The following RNF11 variants were observed in gnomAD, a reference collection of about 807,000 sequenced individuals.
RNF11 encodes ring finger protein 11.
Under a neutral mutation model 15.8 loss-of-function variants are expected in RNF11, and 4 were observed. The ratio of observed to expected loss-of-function variants is 0.25; its 90% CI spans 0.12 to 0.58. The LOEUF is 0.58. Ranked by LOEUF, RNF11 falls within the 20% of genes least tolerant of loss-of-function variation. The pLI, the probability that RNF11 is intolerant of heterozygous loss-of-function variation, is 0.91. For synonymous variants in RNF11, 68 were observed against 72.3 expected (o/e 0.94, Z 0.30); for missense variants, 139 against 194.4 (o/e 0.71, Z 1.70).
intron 1 of RNF11, among the ~76,000 whole-genome samples, chr1:51,267,797 C>A (rs1557683095): frequency 6.6e-6 from 1 of 152,210 alleles, no homozygotes; most frequent in South Asian, 2.1e-4. Context: ...GTGGCAAGAT[C>A]TTGGCTCACT....
intron 1 of RNF11, chr1:51,251,375 G>A: frequency 1.4e-6 from 2 of 1,457,298 alleles, no homozygotes; most frequent in Non-Finnish European, 9.3e-7. Flanking sequence ...TGCGACCCCG[G>A]CCCCGGATGC....
At chr1:51,249,613 A>C (rs1405301803) in intron 1 of RNF11, among the ~76,000 whole-genome samples, 2 of 151,874 alleles carry the variant, frequency 1.3e-5, no homozygotes, top group African/African-American at 2.4e-5. Context: ...TCTTTGTGAA[A>C]TTTGTGTTCT....
Position 51,259,040 on chromosome 1 carries a change from A to G in RNF11, c.124-10916A>G, listed in dbSNP as rs185061731. On this transcript the variant is annotated intron_variant, in intron 1 of 2. Coordinates refer to ENST00000242719, the MANE Select transcript of RNF11 (RefSeq NM_014372.5). ...TTATGGCTTTCTTGTAACACCAGAA[A>G]CTATCCAGCCTTGTTTTGTCCTGTT... Among the ~76,000 whole-genome samples, 779 of 152,316 alleles carry G rather than the reference A, an allele frequency of 5.1e-3. 13 individuals carry two copies. Among genetic ancestry groups the G allele is most frequent in the Non-Finnish European group, 5.8e-3 (392 of 68,022 alleles).
At chr1:51,259,678 A>AT (rs1447553072) in intron 1 of RNF11, among the ~76,000 whole-genome samples, 1 of 152,214 alleles carries the variant, frequency 6.6e-6, no homozygotes, top group Non-Finnish European at 1.5e-5. Flanking sequence ...AGCAATGATT[A>AT]TACCACCACT....
At chr1:51,250,575 T>A in intron 1 of RNF11, 1 of 619,298 alleles carries the variant, frequency 1.6e-6, no homozygotes, top group Non-Finnish European at 2.8e-6. Context: ...CTTAATTCGC[T>A]TTATTTTCCT....
chr1:51,266,864 T>A (rs1646957066), intron 1 of RNF11, among the ~76,000 whole-genome samples: 1 of 152,256 alleles, frequency 6.6e-6, no homozygotes, highest in Non-Finnish European at 1.5e-5. Flanking sequence ...GTTATATAAT[T>A]ATGTTGAGTC....
At chr1:51,243,889 C>T (rs991351026) in intron 1 of RNF11, among the ~76,000 whole-genome samples, 1 of 152,204 alleles carries the variant, frequency 6.6e-6, no homozygotes, top group Non-Finnish European at 1.5e-5. Context: ...GAGCAGTTTG[C>T]TGTATTCCAT....
intron 1 of RNF11, among the ~76,000 whole-genome samples, chr1:51,264,504 T>C (rs1254357379): frequency 6.6e-6 from 1 of 151,874 alleles, no homozygotes; most frequent in Non-Finnish European, 1.5e-5. Flanking sequence ...CTCCATTTTA[T>C]GGTCTTAAAT....
In RNF11 at chr1:51,251,138, C is replaced by T. The variant is rs768177622; in HGVS notation, c.123+14259C>T. The T allele has an allele frequency of 1.6e-4, 241 of 1,548,480 alleles. 1 individual carries two copies. Among genetic ancestry groups the T allele is most frequent in the Middle Eastern group, 3.6e-4 (2 of 5,480 alleles). On this transcript the variant is annotated intron_variant, in intron 1 of 2. Transcript: ENST00000242719. ...TGGTGCGCTGGCCAGCACGGGTCTG[C>T]GTCTGCACTGGCATAATCTTCAAAA...
intron 1 of RNF11, chr1:51,251,413 C>T (rs1456163932): frequency 1.1e-5 from 14 of 1,279,584 alleles, no homozygotes; most frequent in African/African-American, 7.4e-5. Flanking sequence ...CGGAAGCCAC[C>T]GCAGTTCCCC....
At chr1:51,254,781 A>G (rs773480031) in intron 1 of RNF11, among the ~76,000 whole-genome samples, 2 of 152,074 alleles carry the variant, frequency 1.3e-5, no homozygotes, top group Non-Finnish European at 2.9e-5. Context: ...GTATTTTTGT[A>G]AAGGCAGAGT....
intron 1 of RNF11, among the ~76,000 whole-genome samples, chr1:51,261,702 T>C (rs534861982): frequency 3.4e-5 from 5 of 147,642 alleles, no homozygotes; most frequent in East Asian, 4.0e-4. Context: ...TTTTTTTTTT[T>C]CTTGAGACGG....
intron 1 of RNF11, among the ~76,000 whole-genome samples, chr1:51,261,672 CCTGT>C (rs1328176400): frequency 6.7e-6 from 1 of 149,838 alleles, no homozygotes; most frequent in African/African-American, 2.5e-5. Flanking sequence ...CCCACCACGC[CCTGT>C]CTGTGATAAG....
chr1:51,257,849 TTTTC>T (rs960995267), intron 1 of RNF11, among the ~76,000 whole-genome samples: 10 of 101,724 alleles, frequency 9.8e-5, no homozygotes, highest in African/African-American at 1.5e-4. Flanking sequence ...TTTTCTTTTC[TTTTC>T]TTTTTTTTTT....
At chr1:51,258,174 T>C (rs1431968100) in intron 1 of RNF11, among the ~76,000 whole-genome samples, 8 of 145,984 alleles carry the variant, frequency 5.5e-5, no homozygotes, top group Admixed American at 5.3e-4. Context: ...TCTCTAGTGA[T>C]CAGTGATAAT....
At chr1:51,262,036 G>A (rs1029205018) in intron 1 of RNF11, among the ~76,000 whole-genome samples, 1 of 152,170 alleles carries the variant, frequency 6.6e-6, no homozygotes, top group Non-Finnish European at 1.5e-5. Context: ...TTCTGTTTTA[G>A]TAGAGATGGA....
chr1:51,238,731 C>CTTT (rs113178945), intron 1 of RNF11, among the ~76,000 whole-genome samples: 2 of 147,158 alleles, frequency 1.4e-5, no homozygotes, highest in African/African-American at 4.9e-5. Context: ...GCTTATTTAA[C>CTTT]TTTTTTTTTT....
rs1646986072 is a variant in RNF11 at position 51,272,803 on chromosome 1, A to G, written c.*1481A>G. ...CTTATTATTATTTTATATTGAGTTG[A>G]ATATTGAACTCTAACAGTTTTCTAC... On this transcript the variant is annotated 3_prime_UTR_variant, in exon 3 of 3. Coordinates refer to ENST00000242719, the MANE Select transcript of RNF11 (RefSeq NM_014372.5). The G allele has an allele frequency of 6.6e-6, 1 of 152,186 alleles. No homozygotes were observed. The highest frequency in any genetic ancestry group is 1.5e-5 in the Non-Finnish European group (1 of 67,990). The allele number at this position is 152,186 out of a possible 1,614,324, so 9.4% of individuals were successfully genotyped here.
intron 1 of RNF11, among the ~76,000 whole-genome samples, chr1:51,262,072 C>T (rs1006184964): frequency 6.6e-6 from 1 of 152,154 alleles, no homozygotes; most frequent in African/African-American, 2.4e-5. Flanking sequence ...CCAGGCTGGT[C>T]TCGAACTCCT....
Sources: allele counts gnomAD v4.1 joint callset (sites outside exome capture counted in the v4.1 genomes callset), GRCh38; gene constraint gnomAD v4.1.1; transcripts MANE v1.5; gene names NCBI Gene and HGNC (gene_info 2026-07-23, HGNC 2026-07-21).